Variants in TUSC3 observed in about 807,000 individuals in gnomAD.
TUSC3 encodes dolichyl-diphosphooligosaccharide--protein glycosyltransferase subunit TUSC3.
In TUSC3, 45 loss-of-function variants were observed where a neutral mutation model predicts 44.8. The ratio of observed to expected loss-of-function variants is 1.00; its 90% CI spans 0.79 to 1.29. TUSC3 has a LOEUF of 1.29. Ranked by LOEUF, TUSC3 falls within the 50% of genes most tolerant of loss-of-function variation. The probability of loss-of-function intolerance (pLI) is 0.00; values close to 1 mark genes in which losing one functional copy is unlikely to be tolerated. For synonymous variants in TUSC3, 212 were observed against 152.9 expected (o/e 1.39, Z -2.85); for missense variants, 519 against 437.9 (o/e 1.19, Z -1.65).
chr8:15,684,491 C>G (rs1808548119), intron 6 of TUSC3, among the ~76,000 whole-genome samples: 1 of 152,184 alleles, frequency 6.6e-6, no homozygotes, highest in African/African-American at 2.4e-5. Context: ...GCACCAGGAG[C>G]AGGCCCAACC....
At chr8:15,633,310 G>C (rs566659640) in intron 2 of TUSC3, among the ~76,000 whole-genome samples, 2 of 152,284 alleles carry the variant, frequency 1.3e-5, no homozygotes, top group South Asian at 4.1e-4. Context: ...GCAACTCAGT[G>C]AGTTGAAGCT....
chr8:15,430,282 G>T (rs564929151), intron 1 of TUSC3, among the ~76,000 whole-genome samples: 1 of 147,672 alleles, frequency 6.8e-6, no homozygotes, highest in South Asian at 2.2e-4. Context: ...TATCCACCAT[G>T]ATCAAGTGGG....
At chr8:15,507,903 A>G (rs1003095988) in intron 2 of TUSC3, among the ~76,000 whole-genome samples, 1 of 152,182 alleles carries the variant, frequency 6.6e-6, no homozygotes, top group African/African-American at 2.4e-5. Context: ...GCACATTTAA[A>G]TAGAGGAGGT....
At chr8:15,469,500 A>G (rs1800456649) in intron 1 of TUSC3, among the ~76,000 whole-genome samples, 1 of 152,222 alleles carries the variant, frequency 6.6e-6, no homozygotes, top group Non-Finnish European at 1.5e-5. Context: ...CACTAACACT[A>G]AATGCTGGAG....
intron 6 of TUSC3, among the ~76,000 whole-genome samples, chr8:15,674,729 C>T (rs1176904561): frequency 6.6e-6 from 1 of 151,912 alleles, no homozygotes; most frequent in African/African-American, 2.4e-5. Context: ...TAAAGCTAGC[C>T]TCTTTGAATA....
chr8:15,840,016 G>A, the TUSC3 span, among the ~76,000 whole-genome samples: 6 of 152,116 alleles, frequency 3.9e-5, no homozygotes, highest in Non-Finnish European at 5.9e-5. Flanking sequence ...AGAAAATGTG[G>A]CACATATACA....
intron 6 of TUSC3, among the ~76,000 whole-genome samples, chr8:15,688,717 C>T (rs1202819777): frequency 1.3e-5 from 2 of 152,150 alleles, no homozygotes; most frequent in East Asian, 1.9e-4. Context: ...CCTTCCATTT[C>T]CTCCTTCTCC....
intron 2 of TUSC3, among the ~76,000 whole-genome samples, chr8:15,517,985 A>AAC (rs1302311858): frequency 6.6e-6 from 1 of 150,764 alleles, no homozygotes; most frequent in African/African-American, 2.4e-5. Flanking sequence ...AGAACAAACA[A>AAC]AAAAAAACCC....
chr8:15,455,427 A>G (rs1800242310), intron 1 of TUSC3, among the ~76,000 whole-genome samples: 1 of 152,094 alleles, frequency 6.6e-6, no homozygotes, highest in South Asian at 2.1e-4. Context: ...ACACCTATGT[A>G]TACACGTATA....
At chr8:15,432,963 T>C (rs1799888836) in intron 1 of TUSC3, among the ~76,000 whole-genome samples, 1 of 152,162 alleles carries the variant, frequency 6.6e-6, no homozygotes, top group African/African-American at 2.4e-5. Flanking sequence ...CTTTGCTATA[T>C]TTCAAAATGG....
chr8:15,680,083 A>G (rs996920029), intron 6 of TUSC3, among the ~76,000 whole-genome samples: 6 of 149,738 alleles, frequency 4.0e-5, no homozygotes, highest in Admixed American at 2.0e-4. Flanking sequence ...TGGGTTCCAC[A>G]TGAATTTTAG....
At chr8:15,720,374 C>T (rs970803017) in intron 6 of TUSC3, among the ~76,000 whole-genome samples, 3 of 151,972 alleles carry the variant, frequency 2.0e-5, no homozygotes, top group African/African-American at 7.2e-5. Flanking sequence ...TCTCATTGGG[C>T]AGCCTCAACC....
At chr8:15,797,911 T>A in the TUSC3 span, among the ~76,000 whole-genome samples, 14 of 152,300 alleles carry the variant, frequency 9.2e-5, no homozygotes, top group Middle Eastern at 3.4e-3. Context: ...TGTTAGGTTT[T>A]TTTTTCCACC....
At chr8:15,716,902 A>G (rs1810082303) in intron 6 of TUSC3, among the ~76,000 whole-genome samples, 1 of 152,094 alleles carries the variant, frequency 6.6e-6, no homozygotes, top group South Asian at 2.1e-4. Context: ...CATTTGAGAA[A>G]TTAAAAAAAT....
chr8:15,671,314 A>G (rs938111951), intron 5 of TUSC3, among the ~76,000 whole-genome samples: 3 of 152,074 alleles, frequency 2.0e-5, no homozygotes, highest in African/African-American at 7.2e-5. Context: ...TTTTTGTATG[A>G]ATATAGTTAA....
intron 1 of TUSC3, among the ~76,000 whole-genome samples, chr8:15,472,766 A>G (rs929840307): frequency 8.5e-5 from 13 of 152,188 alleles, no homozygotes; most frequent in Non-Finnish European, 1.6e-4. Context: ...TACTTGTGAC[A>G]AGATCAAATC....
intron 6 of TUSC3, among the ~76,000 whole-genome samples, chr8:15,679,647 C>G (rs931508313): frequency 6.6e-6 from 1 of 152,082 alleles, no homozygotes; most frequent in African/African-American, 2.4e-5. Context: ...CTTTTGAAGA[C>G]TTAGTCATAA....
chr8:15,684,776 T>G (rs1397214822), intron 6 of TUSC3, among the ~76,000 whole-genome samples: 2 of 151,790 alleles, frequency 1.3e-5, no homozygotes, highest in East Asian at 1.9e-4. Flanking sequence ...TCCTGGGGAG[T>G]TGGGACCAGA....
chr8:15,750,789 C>T (rs1263200853), intron 9 of TUSC3, among the ~76,000 whole-genome samples: 1 of 152,050 alleles, frequency 6.6e-6, no homozygotes, highest in African/African-American at 2.4e-5. Flanking sequence ...GTCAGCTCCC[C>T]ACCAGCCTAA....
Sources: gnomAD v4.1 joint callset for allele counts (sites outside exome capture counted in the v4.1 genomes callset) on GRCh38, gnomAD v4.1.1 for gene constraint, MANE v1.5 for transcripts, NCBI Gene and HGNC (gene_info 2026-07-23, HGNC 2026-07-21) for gene names.